The following ZMYM5 variants were observed in gnomAD, a reference collection of about 807,000 sequenced individuals.
The protein encoded by ZMYM5 is zinc finger MYM-type containing 5.
A neutral mutation model predicts 61.8 loss-of-function variants in ZMYM5; 41 were observed. That is an observed-to-expected ratio of 0.66 (90% CI 0.52 to 0.86). ZMYM5 has a LOEUF of 0.86. Among genes scored for constraint, ZMYM5 ranks in the 40% least tolerant of loss-of-function variants. The pLI is 0.00. For synonymous variants in ZMYM5, 257 were observed against 276.4 expected (o/e 0.93, Z 0.70); for missense variants, 706 against 786.7 (o/e 0.90, Z 1.23).
At chr13:19,831,243 C>G (rs1891199960) in intron 7 of ZMYM5, among the ~76,000 whole-genome samples, 1 of 151,716 alleles carries the variant, frequency 6.6e-6, no homozygotes, top group African/African-American at 2.4e-5. Context: ...CCTTTCACCT[C>G]AGGCTCCCAA....
chr13:19,860,776 G>A (rs1273301445), intron 2 of ZMYM5, among the ~76,000 whole-genome samples: 1 of 151,270 alleles, frequency 6.6e-6, no homozygotes, highest in Non-Finnish European at 1.5e-5. Context: ...GAAATTAAAA[G>A]CTTAGTGGCA....
intron 7 of ZMYM5, among the ~76,000 whole-genome samples, chr13:19,826,755 G>A (rs1426606983): frequency 3.4e-4 from 45 of 132,716 alleles, no homozygotes; most frequent in African/African-American, 1.2e-3. Flanking sequence ...ACTCCGTCTC[G>A]TTAAAAAAAA....
chr13:19,858,411 C>T (rs1346705645), intron 2 of ZMYM5, among the ~76,000 whole-genome samples: 1 of 151,578 alleles, frequency 6.6e-6, no homozygotes, highest in Admixed American at 6.6e-5. Context: ...ATGGCGAAAC[C>T]TTGTCTCTAC....
rs1953325235 is a variant in ZMYM5 at position 19,852,023 on chromosome 13, T to C, written c.158A>G (p.Asp53Gly). The C allele has an allele frequency of 6.2e-7, 1 of 1,613,990 alleles. No individual in the cohort carries two copies. Among genetic ancestry groups the C allele is most frequent in the Middle Eastern group, 1.7e-4 (1 of 6,060 alleles). Residue 53 changes from aspartate to glycine, a missense_variant, in exon 3 of 8, where the codon GAT becomes GGT. Asp to Gly is a moderately conservative substitution (Grantham distance 94). This residue lies in a region of ZMYM5 where 480 missense variants were observed against 461.7 expected (regional missense o/e 1.04). Coordinates refer to ENST00000337963, the MANE Select transcript of ZMYM5 (RefSeq NM_001142684.2). ...VSRSRNSPVE[D>G]DDDDDDVVFI... ...CACAACATCATCATCATCATCATCA[T>C]CTTCCACTGGTGAGTTCCTAGATCT... is the stretch of plus-strand genomic sequence containing the variant.
intron 4 of ZMYM5, among the ~76,000 whole-genome samples, chr13:19,842,476 G>C (rs6490489): frequency 0.69 from 104,403 of 151,832 alleles, 38,583 homozygotes; most frequent in East Asian, 0.89. Flanking sequence ...TATTCTTAAA[G>C]CTTCCTGGTA....
chr13:19,837,650 C>A lies in ZMYM5; in HGVS notation c.1038+6G>T, dbSNP rs374887313. ...TAAACAACAACTTAGGTATAAAAAT[C>A]CAGACCTCTGCTAATTTACTACAAA... On this transcript the variant is annotated splice_donor_region_variant and intron_variant, in intron 6 of 7. Coordinates refer to ENST00000337963, the MANE Select transcript of ZMYM5 (RefSeq NM_001142684.2). 1 of 1,592,128 alleles carries A rather than the reference C, an allele frequency of 6.3e-7. No individual in the cohort carries two copies. Among genetic ancestry groups the A allele is most frequent in the Non-Finnish European group, 8.5e-7 (1 of 1,175,036 alleles).
intron 7 of ZMYM5, among the ~76,000 whole-genome samples, chr13:19,829,734 G>GT (rs1891110653): frequency 6.6e-6 from 1 of 152,080 alleles, no homozygotes; most frequent in Non-Finnish European, 1.5e-5. Context: ...AGCTAGTATT[G>GT]TAGGTGCACA....
intron 7 of ZMYM5, among the ~76,000 whole-genome samples, chr13:19,825,613 C>T (rs1593836136): frequency 6.6e-6 from 1 of 151,098 alleles, no homozygotes; most frequent in East Asian, 1.9e-4. Flanking sequence ...CGCCACTGCA[C>T]TCCAGTCTGG....
intron 2 of ZMYM5, among the ~76,000 whole-genome samples, chr13:19,858,559 G>A (rs975076958): frequency 4.0e-5 from 6 of 148,220 alleles, no homozygotes; most frequent in African/African-American, 1.5e-4. Flanking sequence ...ACTCCAGCCT[G>A]GGTGACAGAC....
chr13:19,840,279 C>A (rs1451023136), intron 4 of ZMYM5, among the ~76,000 whole-genome samples: 1 of 152,144 alleles, frequency 6.6e-6, no homozygotes, highest in Non-Finnish European at 1.5e-5. Context: ...GCCTGTAATT[C>A]CAGCACTTTG....
chr13:19,861,803 G>C (rs1181130713), intron 2 of ZMYM5, among the ~76,000 whole-genome samples: 2 of 151,644 alleles, frequency 1.3e-5, no homozygotes, highest in Non-Finnish European at 2.9e-5. Flanking sequence ...CAGAGAAAGG[G>C]CATTTGTACT....
At chr13:19,856,132 A>T (rs1362407507) in intron 2 of ZMYM5, among the ~76,000 whole-genome samples, 3 of 152,210 alleles carry the variant, frequency 2.0e-5, no homozygotes, top group Non-Finnish European at 1.5e-5. Context: ...ACAAGACCAT[A>T]AGAAAATTTT....
At chr13:19,848,243 T>C (rs1056466177) in intron 4 of ZMYM5, among the ~76,000 whole-genome samples, 1 of 151,922 alleles carries the variant, frequency 6.6e-6, no homozygotes, top group Admixed American at 6.6e-5. Flanking sequence ...CCTTGGCCTC[T>C]GAAAATGCTA....
Position 19,838,881 on chromosome 13 carries a change from T to A in ZMYM5, c.691A>T (p.Thr231Ser), listed in dbSNP as rs41292167. ...GGTTTAGTAAGTTGTTGTTGGGCTG[T>A]AGGCTGGAAATTCTGCTTACGAAGT... ...ALLRKQNFQP[T>S]AQQQLTKPAK... Residue 231 changes from threonine (T) to serine (S), a missense_variant, in exon 5 of 8, where the codon ACA (threonine) becomes TCA (serine). This residue lies in a region of ZMYM5 where 480 missense variants were observed against 461.7 expected (regional missense o/e 1.04). Coordinates refer to ENST00000337963, the MANE Select transcript of ZMYM5 (RefSeq NM_001142684.2). 68 of 1,613,912 alleles carry A rather than the reference T, an allele frequency of 4.2e-5. 1 individual carries two copies. The highest frequency in any genetic ancestry group is 5.5e-5 in the Non-Finnish European group (65 of 1,180,012).
Position 19,838,836 on chromosome 13 carries a change from T to G in ZMYM5, c.736A>C (p.Asn246His). The G allele has an allele frequency of 6.2e-7, 1 of 1,614,152 alleles. No homozygotes were observed. The highest frequency in any genetic ancestry group is 8.5e-7 in the Non-Finnish European group (1 of 1,180,032). Reference sequence around the variant, plus strand: ...CCCTTCTGTAAAGGCTTTTTGCAATTTGCACAAGTGATTTTAGCTGGTTTA... The same window carrying G: ...CCCTTCTGTAAAGGCTTTTTGCAATGTGCACAAGTGATTTTAGCTGGTTTA... ...LTKPAKITCA[N>H]CKKPLQKGQT... The change falls in exon 5 of 8, where the codon AAT becomes CAT. Residue 246 changes from asparagine to histidine, a missense_variant. Asn to His is a moderately conservative substitution (Grantham distance 68). Around this residue, in one of 2 missense-constraint regions of ZMYM5, gnomAD observed 480 missense variants for 461.7 expected, o/e 1.04. Transcript: ENST00000337963.
intron 7 of ZMYM5, among the ~76,000 whole-genome samples, chr13:19,829,480 G>A (rs1366994323): frequency 6.6e-6 from 1 of 152,028 alleles, no homozygotes; most frequent in Non-Finnish European, 1.5e-5. Flanking sequence ...TGTAGAGACA[G>A]GGGTCTCACC....
rs1401081725 is a variant in ZMYM5, at chr13:19,824,252, T to C, written c.*225A>G. On this transcript the variant is annotated 3_prime_UTR_variant, in exon 8 of 8. Coordinates refer to ENST00000337963, the MANE Select transcript of ZMYM5 (RefSeq NM_001142684.2). ...ACAATTACCTATTGTTAATCTTCAT[T>C]GCCTAATGAAGTCATTGCCTAATGA... is the stretch of plus-strand genomic sequence containing the variant. 5.7e-6 allele frequency: 1 copy of C among 176,674 alleles called. No individual in the cohort carries two copies. The highest frequency in any genetic ancestry group is 2.4e-5 in the African/African-American group (1 of 41,904). The allele number at this position is 176,674 out of a possible 1,614,324, so 10.9% of individuals were successfully genotyped here. A position where few individuals can be genotyped will look rare whatever the true frequency, so the allele number is the denominator to read the frequency against.
chr13:19,859,504 G>A (rs1382043377), intron 2 of ZMYM5, among the ~76,000 whole-genome samples: 2 of 152,112 alleles, frequency 1.3e-5, no homozygotes, highest in Admixed American at 6.5e-5. Context: ...CCAGGTTCAC[G>A]CCATCCTCCT....
chr13:19,848,228 G>A (rs981618696), intron 4 of ZMYM5, among the ~76,000 whole-genome samples: 14 of 151,754 alleles, frequency 9.2e-5, no homozygotes, highest in South Asian at 2.1e-4. Flanking sequence ...CAGGTGATCC[G>A]ACAGCCTTGG....
Sources: gnomAD v4.1 joint callset for allele counts (sites outside exome capture counted in the v4.1 genomes callset) on GRCh38, gnomAD v4.1.1 for gene constraint, gnomAD v4.1.1 regional missense constraint, MANE v1.5 for transcripts, NCBI Gene and HGNC (gene_info 2026-07-23, HGNC 2026-07-21) for gene names.